CHLSN: variants seen among roughly 807,000 people sequenced by gnomAD.
The protein encoded by CHLSN is protein cholesin.
chr7:1,019,202 A>AG, the CHLSN span, among the ~76,000 whole-genome samples: 1 of 93,520 alleles, frequency 1.1e-5, no homozygotes, highest in Non-Finnish European at 2.2e-5. Context: ...TCAAAAAAAA[A>AG]AAAAAAAAAC....
the CHLSN span, among the ~76,000 whole-genome samples, chr7:1,050,698 G>A: frequency 6.6e-6 from 1 of 152,172 alleles, no homozygotes; most frequent in South Asian, 2.1e-4. Flanking sequence ...AGCCCAGCAC[G>A]GGGTCTTGGA....
the CHLSN span, among the ~76,000 whole-genome samples, chr7:1,103,736 G>A: frequency 2.0e-5 from 3 of 152,184 alleles, no homozygotes; most frequent in Non-Finnish European, 4.4e-5. Context: ...GCTGTGCTCC[G>A]TCTCCCGTGT....
chr7:1,004,158 G>A, the CHLSN span, among the ~76,000 whole-genome samples: 1 of 152,190 alleles, frequency 6.6e-6, no homozygotes, highest in Non-Finnish European at 1.5e-5. Context: ...TTTCTTTTTA[G>A]ACAGCCCCTC....
the CHLSN span, among the ~76,000 whole-genome samples, chr7:1,081,177 G>A: frequency 2.0e-5 from 3 of 152,264 alleles, no homozygotes; most frequent in Non-Finnish European, 4.4e-5. Flanking sequence ...CCAGGGCCGG[G>A]GACGGTGCCG....
At chr7:1,018,767 A>C in the CHLSN span, among the ~76,000 whole-genome samples, 7 of 151,754 alleles carry the variant, frequency 4.6e-5, no homozygotes, top group Non-Finnish European at 7.4e-5. Flanking sequence ...CCTGGATGAG[A>C]GTGAGACCCT....
chr7:1,058,371 T>G, the CHLSN span: 1 of 780,366 alleles, frequency 1.3e-6, no homozygotes, highest in Non-Finnish European at 2.4e-6. Context: ...ACTCCTGGCC[T>G]TCTCCAGCAG....
chr7:1,105,153 C>T, the CHLSN span, among the ~76,000 whole-genome samples: 1 of 152,214 alleles, frequency 6.6e-6, no homozygotes, highest in Non-Finnish European at 1.5e-5. Flanking sequence ...AGGGCAGGAG[C>T]ATGGACAAGC....
chr7:1,050,532 C>T, the CHLSN span, among the ~76,000 whole-genome samples: 1 of 152,244 alleles, frequency 6.6e-6, no homozygotes, highest in East Asian at 1.9e-4. Flanking sequence ...GAGCCTGGGG[C>T]TCCCAGCTCC....
At chr7:1,072,832 C>T in the CHLSN span, among the ~76,000 whole-genome samples, 2 of 151,968 alleles carry the variant, frequency 1.3e-5, no homozygotes, top group African/African-American at 2.4e-5. Context: ...TACAGGCGTG[C>T]GCCACCACGC....
chr7:1,076,523 G>A, the CHLSN span, among the ~76,000 whole-genome samples: 4 of 152,258 alleles, frequency 2.6e-5, no homozygotes, highest in African/African-American at 2.4e-5. Flanking sequence ...ACTGGGCACC[G>A]TGTAAAGAGG....
At chr7:1,052,908 A>G in the CHLSN span, among the ~76,000 whole-genome samples, 996 of 152,228 alleles carry the variant, frequency 6.5e-3, 10 homozygotes, top group African/African-American at 0.023. This position sits in a 1 kb window ranked among gnomAD's most constrained non-coding sequence, Gnocchi z 4.2. Flanking sequence ...CAACAAACTC[A>G]GGCTTTCGTG....
chr7:1,053,031 G>A, the CHLSN span, among the ~76,000 whole-genome samples: 9 of 152,364 alleles, frequency 5.9e-5, no homozygotes, highest in South Asian at 1.9e-3. Context: ...TCAGCAGAGT[G>A]CATGGCTGAC....
the CHLSN span, chr7:988,397 G>A: frequency 2.5e-6 from 4 of 1,612,504 alleles, no homozygotes; most frequent in African/African-American, 5.3e-5. Context: ...GAAGCGGGAG[G>A]CCTTCCTGCC....
chr7:1,136,277 A>AAC, the CHLSN span, among the ~76,000 whole-genome samples: 2 of 113,922 alleles, frequency 1.8e-5, no homozygotes, highest in South Asian at 2.7e-4. Context: ...AAATATATAA[A>AAC]ATATATATAA....
At chr7:1,084,384 A>G in the CHLSN span, among the ~76,000 whole-genome samples, 1 of 152,208 alleles carries the variant, frequency 6.6e-6, no homozygotes, top group African/African-American at 2.4e-5. Context: ...GACACGGCGC[A>G]CTTCTCCGAA....
the CHLSN span, among the ~76,000 whole-genome samples, chr7:1,008,753 C>A: frequency 1.3e-5 from 2 of 152,146 alleles, no homozygotes; most frequent in Non-Finnish European, 2.9e-5. Context: ...CACACATAAA[C>A]ACACACGTGC....
chr7:1,092,781 C>T, the CHLSN span: 27 of 1,613,558 alleles, frequency 1.7e-5, no homozygotes, highest in African/African-American at 3.5e-4. Flanking sequence ...TGAACCGCTT[C>T]TGTCACGCTG....
At chr7:1,034,164 C>T in the CHLSN span, among the ~76,000 whole-genome samples, 1 of 152,220 alleles carries the variant, frequency 6.6e-6, no homozygotes, top group African/African-American at 2.4e-5. Flanking sequence ...GTGCTACCAC[C>T]ACCTACGACT....
chr7:990,591 TG>T, the CHLSN span, among the ~76,000 whole-genome samples: 3 of 151,942 alleles, frequency 2.0e-5, no homozygotes, highest in African/African-American at 7.3e-5. Context: ...CACTCCCAGG[TG>T]GGGCCGCAGG....
Sources: gnomAD v4.1 joint callset for allele counts (sites outside exome capture counted in the v4.1 genomes callset) on GRCh38, gnomAD v4.1.1 for gene constraint, Gnocchi (gnomAD v3.1) non-coding constraint, MANE v1.5 for transcripts, NCBI Gene and HGNC (gene_info 2026-07-23, HGNC 2026-07-21) for gene names.